Variants in WNK1 observed in about 807,000 individuals in gnomAD.
The protein encoded by WNK1 is serine/threonine-protein kinase WNK1.
In WNK1, 38 loss-of-function variants were observed where a neutral mutation model predicts 222.8. The observed-to-expected ratio is 0.17, with a 90% CI of 0.13 to 0.22. WNK1 has a LOEUF of 0.22. Ranked by LOEUF, WNK1 falls within the 10% of genes least tolerant of loss-of-function variation. WNK1 has a pLI of 1.00. For missense variants in WNK1, 2,348 were observed against 2,918.4 expected (o/e 0.80, Z 4.50); for synonymous variants, 1,090 against 1,092.9 (o/e 1.00, Z 0.05).
chr12:824,094 A>C (rs915400988), intron 2 of WNK1, among the ~76,000 whole-genome samples: 1 of 151,398 alleles, frequency 6.6e-6, no homozygotes, highest in Admixed American at 6.6e-5. Context: ...TTTAGTAGAC[A>C]CCATGTTTCG....
intron 1 of WNK1, among the ~76,000 whole-genome samples, chr12:760,602 CTT>C (rs1940879473): frequency 6.8e-6 from 1 of 147,528 alleles, no homozygotes; most frequent in Non-Finnish European, 1.5e-5. Flanking sequence ...ATATATTAAA[CTT>C]AGTTGGATTT....
intron 8 of WNK1, chr12:868,982 A>G (rs1159024440): frequency 6.3e-7 from 1 of 1,598,864 alleles, no homozygotes; most frequent in African/African-American, 1.3e-5. Context: ...AATGCCCTTT[A>G]TCCATCTGCC....
chr12:900,377 C>A, intron 25 of WNK1, 99 bp from the exon 26 acceptor site: 1 of 1,295,946 alleles, frequency 7.7e-7, no homozygotes, highest in Non-Finnish European at 1.1e-6. Context: ...ACCCATCATT[C>A]ATCACTCAGT....
chr12:865,226 C>A, intron 8 of WNK1: 4 of 1,536,118 alleles, frequency 2.6e-6, no homozygotes, highest in Non-Finnish European at 3.5e-6. Context: ...GCACCTCTTT[C>A]TCCTTCCCTC....
chr12:813,934 C>A, intron 2 of WNK1, 120 bp downstream of exon 2: 2 of 1,021,072 alleles, frequency 2.0e-6, no homozygotes, highest in Non-Finnish European at 1.5e-6. Flanking sequence ...GTCCTTCCAA[C>A]TGTTACTGTA....
intron 2 of WNK1, among the ~76,000 whole-genome samples, chr12:819,124 C>T (rs1025832956): frequency 2.0e-5 from 3 of 152,142 alleles, no homozygotes; most frequent in Non-Finnish European, 2.9e-5. Context: ...TTTTCATATG[C>T]TTATTGGCTA....
At chr12:758,078 G>C (rs1370346201) in intron 1 of WNK1, among the ~76,000 whole-genome samples, 2 of 143,620 alleles carry the variant, frequency 1.4e-5, no homozygotes, top group African/African-American at 4.9e-5. Context: ...AGAAAACATT[G>C]ATGCACAGAT....
At position 879,605 on chromosome 12, in the gene WNK1, A is replaced by C. The variant is rs1592147365; in HGVS notation, c.2406A>C (p.Gln802His). 2.5e-6 allele frequency: 4 copies of C among 1,608,394 alleles called. No homozygotes were observed. Among genetic ancestry groups the C allele is most frequent in the Non-Finnish European group, 3.4e-6 (4 of 1,179,258 alleles). ...TTTCCCAGCCAGTACCAACTATCCA[A>C]GGCGAACCTCAGATCCCAGTTGCGA... The part of the protein sequence containing the change: ...LPVSQPVPTI[Q>H]GEPQIPVATQ... Residue 802 changes from glutamine (Q) to histidine (H), a missense_variant, in exon 11 of 28, where the codon CAA (glutamine) becomes CAC (histidine). This residue lies in a region of WNK1 where 547 missense variants were observed against 558.3 expected (regional missense o/e 0.98). Coordinates refer to ENST00000315939, the MANE Select transcript of WNK1 (RefSeq NM_018979.4).
intron 1 of WNK1, among the ~76,000 whole-genome samples, chr12:784,378 C>T (rs996625935): frequency 6.6e-6 from 1 of 152,088 alleles, no homozygotes; most frequent in African/African-American, 2.4e-5. Context: ...CCTTTCCCTA[C>T]CATCTCAAGA....
chr12:868,751 G>A, intron 8 of WNK1: 2 of 1,614,010 alleles, frequency 1.2e-6, no homozygotes, highest in Non-Finnish European at 1.7e-6. Context: ...TCCTCAATCA[G>A]TTGGATTACA....
chr12:896,140 T>C lies in WNK1; in HGVS notation c.5653T>C (p.Phe1885Leu). The C allele has an allele frequency of 6.2e-7, 1 of 1,614,208 alleles. No homozygotes were observed. The highest frequency in any genetic ancestry group is 1.1e-5 in the South Asian group (1 of 91,086). ...NKSEDAKSVH[F>L]ESSTSESSVL... ...GTCAGAAGATGCAAAGTCTGTTCAT[T>C]TTGAATCCAGCACCTCAGAGTCCTC... Residue 1885 changes from phenylalanine (F) to leucine (L), a missense_variant, in exon 24 of 28, where the codon TTT becomes CTT. This residue lies in a region of WNK1 where 1,144 missense variants were observed against 1,273.6 expected (regional missense o/e 0.90). Transcript: ENST00000315939.
chr12:859,621 C>T (rs1239494298), intron 6 of WNK1, among the ~76,000 whole-genome samples, 157 bp downstream of exon 6: 7 of 31,862 alleles, frequency 2.2e-4, no homozygotes, highest in South Asian at 9.4e-4. Context: ...GTGGGATTTT[C>T]GTGTGTGTGT....
chr12:908,861 G>GGGGGGGGGGGGGGGGGGA lies in WNK1; in HGVS notation c.*69_*70insGGGGGGGGGGGGGGGGGA. The GGGGGGGGGGGGGGGGGGA allele has an allele frequency of 6.1e-6, 3 of 491,846 alleles. No homozygotes were observed. The highest frequency in any genetic ancestry group is 6.0e-5 in the East Asian group (1 of 16,748). The allele number at this position is 491,846 out of a possible 1,614,324, so 30.5% of individuals were successfully genotyped here. Reference sequence around the variant, plus strand: ...ATGCTGAGGGGGTGGGTGGGGGTGGGAAGTAGCCTATATACTAACTACTAG... The same window carrying GGGGGGGGGGGGGGGGGGA: ...ATGCTGAGGGGGTGGGTGGGGGTGGGGGGGGGGGGGGGGGGGGAAAGTAGCCTATATACTAACTACTAG... On this transcript the variant is annotated 3_prime_UTR_variant, in exon 28 of 28. Coordinates refer to ENST00000315939, the MANE Select transcript of WNK1 (RefSeq NM_018979.4).
chr12:900,999 A>G, intron 26 of WNK1: 1 of 395,126 alleles, frequency 2.5e-6, no homozygotes, highest in Non-Finnish European at 4.8e-6. Flanking sequence ...GTGTTTTAGC[A>G]GTTTCTGAAG....
At chr12:836,617 T>A (rs1346266456) in intron 4 of WNK1, among the ~76,000 whole-genome samples, 1 of 152,220 alleles carries the variant, frequency 6.6e-6, no homozygotes, top group African/African-American at 2.4e-5. Flanking sequence ...ATTTTATTTT[T>A]AAAAATGCCT....
At position 884,350 on chromosome 12, in the gene WNK1, A is replaced by G. The variant is rs1953461669; in HGVS notation, c.3844+107A>G. The G allele has an allele frequency of 6.5e-7, 1 of 1,531,630 alleles. No homozygotes were observed. Among genetic ancestry groups the G allele is most frequent in the Non-Finnish European group, 9.0e-7 (1 of 1,112,800 alleles). 94.9% of individuals were successfully genotyped at this position (1,531,630 alleles called of 1,614,324 possible). ...TTTATGATGACACAGATAATAAAAA[A>G]GAATAGAAAACTGAAGTTATAACCA... On this transcript the variant is annotated intron_variant, in intron 18 of 27. Transcript: ENST00000315939. The surrounding 1 kb of genome is among the most constrained non-coding windows in gnomAD (Gnocchi z 5.6).
intron 2 of WNK1, among the ~76,000 whole-genome samples, chr12:821,120 T>C (rs983002809): frequency 5.1e-5 from 7 of 136,294 alleles, no homozygotes; most frequent in African/African-American, 1.6e-4. Flanking sequence ...TAGATAATCA[T>C]GAAACCACTT....
At chr12:803,583 G>A (rs2153995698) in intron 1 of WNK1, among the ~76,000 whole-genome samples, 1 of 152,144 alleles carries the variant, frequency 6.6e-6, no homozygotes, top group East Asian at 1.9e-4. Context: ...AGGAGTTCGA[G>A]ACTAGCCTGG....
intron 4 of WNK1, among the ~76,000 whole-genome samples, chr12:834,062 G>C (rs1248384797): frequency 3.9e-5 from 6 of 152,194 alleles, no homozygotes; most frequent in Non-Finnish European, 1.5e-5. Context: ...CACAAAAAGA[G>C]CTGTTGTATG....
Sources: allele counts gnomAD v4.1 joint callset (sites outside exome capture counted in the v4.1 genomes callset), GRCh38; gene constraint gnomAD v4.1.1; regional missense constraint gnomAD v4.1.1; non-coding constraint Gnocchi (gnomAD v3.1); transcripts MANE v1.5; gene names NCBI Gene and HGNC (gene_info 2026-07-23, HGNC 2026-07-21).